ZC4H2: variants seen among roughly 807,000 people sequenced by gnomAD.
The protein encoded by ZC4H2 is zinc finger C4H2-type containing.
For missense variants in ZC4H2, 137 were observed against 173.9 expected, an observed-to-expected ratio of 0.79 and a Z score of 1.19; for synonymous variants, 84 against 66.3, an observed-to-expected ratio of 1.27 and a Z score of -1.30.
intron 1 of ZC4H2, among the ~76,000 whole-genome samples, chrX:65,018,715 G>A (rs771484569): frequency 2.9e-4 from 32 of 110,645 alleles, no homozygotes; most frequent in African/African-American, 9.9e-4. Context: ...GGGGGCTGAA[G>A]CTAGGGAGCC....
At chrX:65,015,302 G>A (rs1465409735) in intron 1 of ZC4H2, among the ~76,000 whole-genome samples, 1 of 111,659 alleles carries the variant, frequency 9.0e-6, no homozygotes, top group Non-Finnish European at 1.9e-5. Flanking sequence ...ATAAAACACT[G>A]AATCAGACAC....
intron 1 of ZC4H2, among the ~76,000 whole-genome samples, chrX:64,970,682 G>A (rs1046962498): frequency 1.7e-4 from 19 of 111,930 alleles, no homozygotes; most frequent in East Asian, 1.7e-3. Context: ...TGGAGAAGAC[G>A]AGGCATTTCA....
intron 1 of ZC4H2, among the ~76,000 whole-genome samples, chrX:64,999,596 T>C (rs2105051): frequency 0.13 from 13,961 of 111,340 alleles, 2,112 homozygotes; most frequent in African/African-American, 0.43. Flanking sequence ...GACAGAACCA[T>C]TCATTCCCCT....
chrX:65,024,223 T>A (rs1207175493), intron 1 of ZC4H2, among the ~76,000 whole-genome samples: 1 of 110,676 alleles, frequency 9.0e-6, no homozygotes, highest in African/African-American at 3.3e-5. Flanking sequence ...CAAACCTGCA[T>A]GTTCTGCACA....
At chrX:64,989,063 G>A (rs751714713) in intron 1 of ZC4H2, among the ~76,000 whole-genome samples, 2 of 111,803 alleles carry the variant, frequency 1.8e-5, no homozygotes, top group East Asian at 5.6e-4. Context: ...GCTCTGTTCT[G>A]TTCCATTGAT....
chrX:65,031,057 C>A (rs931450379), intron 1 of ZC4H2, among the ~76,000 whole-genome samples: 1 of 111,338 alleles, frequency 9.0e-6, no homozygotes, highest in African/African-American at 3.3e-5. Context: ...TAATAATAAT[C>A]CTCCTTAAAT....
At chrX:65,022,221 A>C (rs1273359984) in intron 1 of ZC4H2, among the ~76,000 whole-genome samples, 1 of 111,875 alleles carries the variant, frequency 8.9e-6, no homozygotes, top group African/African-American at 3.3e-5. Context: ...GAGACACACA[A>C]AAAAAGAAAA....
intron 1 of ZC4H2, among the ~76,000 whole-genome samples, chrX:64,983,865 C>G (rs1026402465): frequency 1.8e-5 from 2 of 111,901 alleles, no homozygotes; most frequent in African/African-American, 6.5e-5. Context: ...ATTGAAGACA[C>G]AAAGGAATTC....
At chrX:64,951,319 A>G (rs1019876282) in intron 1 of ZC4H2, among the ~76,000 whole-genome samples, 21 of 111,998 alleles carry the variant, frequency 1.9e-4, no homozygotes, top group Non-Finnish European at 3.0e-4. Context: ...TATACCCAGT[A>G]ATGGGATGGC....
chrX:65,022,535 A>G (rs754478903), intron 1 of ZC4H2, among the ~76,000 whole-genome samples: 1 of 112,165 alleles, frequency 8.9e-6, no homozygotes, highest in South Asian at 3.7e-4. Flanking sequence ...TCAAAATAAT[A>G]AGAATTATTT....
At chrX:64,919,859 T>C (rs1199411173) in intron 3 of ZC4H2, 1 of 355,063 alleles carries the variant, frequency 2.8e-6, no homozygotes, top group Non-Finnish European at 4.8e-6. Context: ...TAGTAATTCA[T>C]CCAGTTTAAT....
chrX:64,964,403 A>G (rs1931513741), intron 1 of ZC4H2, among the ~76,000 whole-genome samples: 1 of 111,311 alleles, frequency 9.0e-6, no homozygotes, highest in Admixed American at 9.6e-5. Flanking sequence ...AGAACATCAC[A>G]CCAAGCTATA....
chrX:65,023,167 T>G (rs186474865), intron 1 of ZC4H2, among the ~76,000 whole-genome samples: 149 of 111,537 alleles, frequency 1.3e-3, no homozygotes, highest in Non-Finnish European at 2.2e-3. Context: ...CATATGAAAT[T>G]TAAAGTAGTT....
intron 1 of ZC4H2, among the ~76,000 whole-genome samples, chrX:65,028,371 G>T (rs1932901598): frequency 8.9e-6 from 1 of 112,246 alleles, no homozygotes; most frequent in Non-Finnish European, 1.9e-5. Flanking sequence ...TTCAATTCTA[G>T]TGATTCAACT....
intron 1 of ZC4H2, among the ~76,000 whole-genome samples, chrX:64,931,858 T>C (rs930671377): frequency 3.6e-5 from 4 of 111,892 alleles, no homozygotes; most frequent in Non-Finnish European, 7.5e-5. Flanking sequence ...TGTAAATATA[T>C]GTTAATTCTG....
In ZC4H2 at chrX:64,917,691, G is replaced by T. The variant is rs774875953; in HGVS notation, c.*92C>A. The T allele has an allele frequency of 5.9e-5, 67 of 1,131,520 alleles. No homozygotes were observed. The highest frequency in any genetic ancestry group is 7.9e-5 in the Non-Finnish European group (67 of 848,396). 93.2% of individuals were successfully genotyped at this position (1,131,520 alleles called of 1,213,427 possible). A position where few individuals can be genotyped will look rare whatever the true frequency, so the allele number is the denominator to read the frequency against. Reference sequence around the variant, plus strand: ...CACATTAAATAGGAGACTTCGTGGGGTTGGGCAAGGGTTGTTTCACATCAG... The same window carrying T: ...CACATTAAATAGGAGACTTCGTGGGTTTGGGCAAGGGTTGTTTCACATCAG... On this transcript the variant is annotated 3_prime_UTR_variant, in exon 5 of 5. Transcript: ENST00000374839.
At position 65,004,932 on chromosome X, in the gene ZC4H2, C is replaced by T. The variant is rs1197885180; in HGVS notation, c.-272+29697G>A. 5.8e-4 allele frequency among the ~76,000 whole-genome samples: 65 copies of T among 111,537 alleles called. 1 individual carries two copies. In the Admixed American group the frequency reaches 6.1e-3, roughly 10 times the overall value. On this transcript the variant is annotated intron_variant, in intron 1 of 4. Transcript: ENST00000337990. Reference sequence around the variant, plus strand: ...AAAAATCACAAGCATTCCTATACAACAATAATAGACACACAGAGAGCCAAA... The same window carrying T: ...AAAAATCACAAGCATTCCTATACAATAATAATAGACACACAGAGAGCCAAA...
intron 1 of ZC4H2, among the ~76,000 whole-genome samples, chrX:64,963,109 G>C (rs778657161): frequency 8.7e-4 from 97 of 111,380 alleles, no homozygotes; most frequent in African/African-American, 3.0e-3. Context: ...GGAAAAAACA[G>C]AGAGCCCAGA....
At chrX:64,936,575 T>C (rs775791038) in intron 1 of ZC4H2, among the ~76,000 whole-genome samples, 4 of 112,106 alleles carry the variant, frequency 3.6e-5, no homozygotes, top group African/African-American at 1.3e-4. Flanking sequence ...AGCAGATCTC[T>C]CTGCAGAAAC....
Sources: allele counts gnomAD v4.1 joint callset (sites outside exome capture counted in the v4.1 genomes callset), GRCh38; gene constraint gnomAD v4.1.1; transcripts MANE v1.5; gene names NCBI Gene and HGNC (gene_info 2026-07-23, HGNC 2026-07-21).